The following KCNJ10 variants were observed in gnomAD, a reference collection of about 807,000 sequenced individuals.
KCNJ10 encodes ATP-sensitive inward rectifier potassium channel 10.
A neutral mutation model predicts 22.2 loss-of-function variants in KCNJ10; 9 were observed. The observed-to-expected ratio is 0.40, with a 90% confidence interval of 0.24 to 0.71. KCNJ10 has a LOEUF of 0.71. KCNJ10 is among the 30% of genes least tolerant of loss of function. KCNJ10 has a pLI of 0.35. For missense variants in KCNJ10, 337 were observed against 482.7 expected (o/e 0.70, Z 2.83); for synonymous variants, 184 against 187.3 (o/e 0.98, Z 0.15).
chr1:160,068,786 G>A (rs900559745), intron 1 of KCNJ10, among the ~76,000 whole-genome samples: 2 of 152,206 alleles, frequency 1.3e-5, no homozygotes, highest in Non-Finnish European at 2.9e-5. Flanking sequence ...ATTAGGGAGA[G>A]AGTTTCAGGA....
Position 160,037,773 on chromosome 1 carries a change from T to G in KCNJ10, c.*3620A>C, listed in dbSNP as rs1648510501. 1 of 152,248 alleles carries G rather than the reference T, an allele frequency of 6.6e-6. No individual in the cohort carries two copies. The highest frequency in any genetic ancestry group is 6.5e-5 in the Admixed American group (1 of 15,282). The allele number at this position is 152,248 out of a possible 1,614,324, so 9.4% of individuals were successfully genotyped here. On this transcript the variant is annotated 3_prime_UTR_variant, in exon 2 of 2. Coordinates refer to ENST00000644903, the MANE Select transcript of KCNJ10 (RefSeq NM_002241.5). ...GCACAGTGTCCTGGACTTGTAGCAA[T>G]AGTATAACTGGCTTTCTTTCTCTGC...
Position 160,041,116 on chromosome 1 carries a change from C to T in KCNJ10, c.*277G>A, listed in dbSNP as rs1571264889. ...TGTGAGTATCCAAGCATGGCTGAGGCCTTCTAAGCCACTTCAGCCTAATCC... is the reference window on the plus strand; with the variant it reads ...TGTGAGTATCCAAGCATGGCTGAGGTCTTCTAAGCCACTTCAGCCTAATCC... On this transcript the variant is annotated 3_prime_UTR_variant, in exon 2 of 2. Coordinates refer to ENST00000644903, the MANE Select transcript of KCNJ10 (RefSeq NM_002241.5). The surrounding 1 kb of genome is among the most constrained non-coding windows in gnomAD (Gnocchi z 4.4). 1 of 508,938 alleles carries T rather than the reference C, an allele frequency of 2.0e-6. No homozygotes were observed. Among genetic ancestry groups the T allele is most frequent in the East Asian group, 3.5e-5 (1 of 28,304 alleles). The allele number at this position is 508,938 out of a possible 1,614,324, so 31.5% of individuals were successfully genotyped here.
chr1:160,068,612 C>T (rs545017297), intron 1 of KCNJ10, among the ~76,000 whole-genome samples: 3 of 152,170 alleles, frequency 2.0e-5, no homozygotes, highest in Non-Finnish European at 2.9e-5. Context: ...CCTCCTCCCT[C>T]GTTTCTTCCT....
rs774033332 is a variant in KCNJ10 at position 160,041,922 on chromosome 1, C to T, written c.611G>A (p.Arg204His). The change falls in exon 2 of 2, where the codon CGC (arginine) becomes CAC (histidine). Residue 204 changes from arginine to histidine, a missense_variant. By Grantham distance (29) the Arg-to-His change is conservative. Around this residue, in one of 3 missense-constraint regions of KCNJ10, gnomAD observed 165 missense variants for 281.5 expected, o/e 0.59. Coordinates refer to ENST00000644903, the MANE Select transcript of KCNJ10 (RefSeq NM_002241.5). The surrounding 1 kb of genome is among the most constrained non-coding windows in gnomAD (Gnocchi z 4.4). Reference protein sequence around the residue: ...PCLMIRVANMRKSLLIGCQVT... With the variant: ...PCLMIRVANMHKSLLIGCQVT... Reference sequence around the variant, plus strand: ...CTGGCAGCCAATGAGGAGGCTTTTGCGCATATTGGCAACTCGGATCATGAG... The same window carrying T: ...CTGGCAGCCAATGAGGAGGCTTTTGTGCATATTGGCAACTCGGATCATGAG... The T allele has an allele frequency of 6.2e-6, 10 of 1,613,492 alleles. No individual in the cohort carries two copies. In the East Asian group the frequency reaches 6.7e-5, roughly 11 times the overall value.
intron 1 of KCNJ10, among the ~76,000 whole-genome samples, chr1:160,068,358 TG>T (rs1175936907): frequency 6.6e-6 from 1 of 151,818 alleles, no homozygotes; most frequent in Non-Finnish European, 1.5e-5. Flanking sequence ...AGGCTCTGAG[TG>T]GGGGGTGGGG....
At chr1:160,053,409 G>C (rs1411920175) in intron 1 of KCNJ10, among the ~76,000 whole-genome samples, 1 of 152,230 alleles carries the variant, frequency 6.6e-6, no homozygotes, top group East Asian at 1.9e-4. Flanking sequence ...AGAGGGGTAA[G>C]AGAGGAAGGG....
At position 160,062,899 on chromosome 1, in the gene KCNJ10, C is replaced by G. The variant is rs534957843; in HGVS notation, c.-1+7123G>C. On this transcript the variant is annotated intron_variant, in intron 1 of 1. Coordinates refer to ENST00000644903, the MANE Select transcript of KCNJ10 (RefSeq NM_002241.5). The stretch of plus-strand genomic sequence containing the variant: ...ACCTTCTTTGAGATCTCCACCTGCT[C>G]TGGTTCTGGAGGCTGAAGAAGCTAC... Among the ~76,000 whole-genome samples the G allele has an allele frequency of 4.6e-5, 7 of 152,258 alleles. No homozygotes were observed. In the East Asian group the frequency reaches 1.4e-3, roughly 29 times the overall value.
At chr1:160,057,493 C>T (rs1034995107) in intron 1 of KCNJ10, among the ~76,000 whole-genome samples, 1 of 152,192 alleles carries the variant, frequency 6.6e-6, no homozygotes, top group African/African-American at 2.4e-5. Flanking sequence ...TCCTCCAAAA[C>T]CCTCTCAGCC....
At chr1:160,068,459 C>G (rs1310089798) in intron 1 of KCNJ10, among the ~76,000 whole-genome samples, 1 of 152,130 alleles carries the variant, frequency 6.6e-6, no homozygotes, top group African/African-American at 2.4e-5. Context: ...CCCCAACACC[C>G]TCTCCCTCCC....
chr1:160,046,563 C>T (rs1358662574), intron 1 of KCNJ10, among the ~76,000 whole-genome samples: 1 of 152,216 alleles, frequency 6.6e-6, no homozygotes, highest in African/African-American at 2.4e-5. Flanking sequence ...CACTGCTAGC[C>T]TCTTTGTTGC....
At chr1:160,043,700 G>A (rs1056819353) in intron 1 of KCNJ10, among the ~76,000 whole-genome samples, 1 of 152,248 alleles carries the variant, frequency 6.6e-6, no homozygotes, top group African/African-American at 2.4e-5. Flanking sequence ...AGAGCTAGGG[G>A]TGTATATTAA....
At chr1:160,048,259 C>T (rs530933675) in intron 1 of KCNJ10, among the ~76,000 whole-genome samples, 57 of 47,044 alleles carry the variant, frequency 1.2e-3, no homozygotes, top group Middle Eastern at 0.026. Context: ...TCACACAGAC[C>T]TTCAGGAGGA....
rs945938364 is a variant in KCNJ10 at position 160,040,042 on chromosome 1, T to C, written c.*1351A>G. 6.5e-6 allele frequency: 1 copy of C among 152,696 alleles called. No individual in the cohort carries two copies. The highest frequency in any genetic ancestry group is 1.5e-5 in the Non-Finnish European group (1 of 68,348). The allele number at this position is 152,696 out of a possible 1,614,324, so 9.5% of individuals were successfully genotyped here. A position where few individuals can be genotyped will look rare whatever the true frequency, so the allele number is the denominator to read the frequency against. ...TGGCAGAGGAGAGTAGAGATGACAC[T>C]GATTTCTTCATTTTATACCAAGTCT... On this transcript the variant is annotated 3_prime_UTR_variant, in exon 2 of 2. Transcript: ENST00000644903.
At chr1:160,064,174 T>A (rs1649262870) in intron 1 of KCNJ10, among the ~76,000 whole-genome samples, 1 of 152,258 alleles carries the variant, frequency 6.6e-6, no homozygotes. Flanking sequence ...TCCTCTAGAC[T>A]AGCAGTTCTC....
At position 160,041,410 on chromosome 1, in the gene KCNJ10, G is replaced by T; in HGVS notation, c.1123C>A (p.Arg375Ser). 1 of 1,612,872 alleles carries T rather than the reference G, an allele frequency of 6.2e-7. No individual in the cohort carries two copies. Among genetic ancestry groups the T allele is most frequent in the Non-Finnish European group, 8.5e-7 (1 of 1,179,770 alleles). The stretch of plus-strand genomic sequence containing the variant: ...ACAGGTCATCAGACATTGCTGATGC[G>T]CACACTAAGGGCACTGCCCTCCTTC... ...AEKEGSALSV[R>S]ISNV is the part of the protein sequence containing the mutation. Residue 375 changes from arginine (R) to serine (S), a missense_variant, in exon 2 of 2, where the codon CGC becomes AGC. Coordinates refer to ENST00000644903, the MANE Select transcript of KCNJ10 (RefSeq NM_002241.5). The surrounding 1 kb of genome is among the most constrained non-coding windows in gnomAD (Gnocchi z 4.4).
chr1:160,038,680 T>C lies in KCNJ10; in HGVS notation c.*2713A>G, dbSNP rs1341698753. ...ATATACATCTATATACATCTTTCTA[T>C]ATATATATTATCTCTGTTTCTTTCT... is the stretch of plus-strand genomic sequence containing the variant. On this transcript the variant is annotated 3_prime_UTR_variant, in exon 2 of 2. Transcript: ENST00000644903. 6.6e-6 allele frequency: 1 copy of C among 152,188 alleles called. No individual in the cohort carries two copies. Among genetic ancestry groups the C allele is most frequent in the East Asian group, 1.9e-4 (1 of 5,202 alleles). The allele number at this position is 152,188 out of a possible 1,614,324, so 9.4% of individuals were successfully genotyped here. A position where few individuals can be genotyped will look rare whatever the true frequency, so the allele number is the denominator to read the frequency against.
At chr1:160,061,846 T>C (rs1035560081) in intron 1 of KCNJ10, among the ~76,000 whole-genome samples, 14 of 151,952 alleles carry the variant, frequency 9.2e-5, no homozygotes, top group African/African-American at 3.4e-4. Context: ...GGTCAGTGTG[T>C]TGTGTCTGGG....
intron 1 of KCNJ10, among the ~76,000 whole-genome samples, chr1:160,054,619 G>C (rs1040957159): frequency 1.3e-5 from 2 of 152,196 alleles, no homozygotes; most frequent in Non-Finnish European, 2.9e-5. Context: ...TCCGAGCTAG[G>C]TTAGGGAGAG....
At chr1:160,060,688 T>A (rs990127709) in intron 1 of KCNJ10, among the ~76,000 whole-genome samples, 21 of 152,098 alleles carry the variant, frequency 1.4e-4, no homozygotes, top group African/African-American at 5.1e-4. Context: ...AGCCCTCAAG[T>A]CTCTGGGATC....
Sources: gnomAD v4.1 joint callset for allele counts (sites outside exome capture counted in the v4.1 genomes callset) on GRCh38, gnomAD v4.1.1 for gene constraint, gnomAD v4.1.1 regional missense constraint, Gnocchi (gnomAD v3.1) non-coding constraint, MANE v1.5 for transcripts, NCBI Gene and HGNC (gene_info 2026-07-23, HGNC 2026-07-21) for gene names.